Variants in GRM1 observed in about 807,000 individuals in gnomAD.
The protein encoded by GRM1 is metabotropic glutamate receptor 1.
In GRM1, 33 loss-of-function variants were observed where a neutral mutation model predicts 90.9. The ratio of observed to expected loss-of-function variants is 0.36; its 90% CI spans 0.28 to 0.49. The LOEUF (loss-of-function observed/expected upper bound fraction) is 0.49, where lower values mean the gene tolerates loss of function less well. Ranked by LOEUF, GRM1 falls within the 20% of genes least tolerant of loss-of-function variation. The pLI is 0.99. For missense variants in GRM1, 1,190 were observed against 1,534.3 expected (o/e 0.78, Z 3.75); for synonymous variants, 700 against 613.2 (o/e 1.14, Z -2.09).
chr6:146,312,227 G>T (rs1454756180), intron 3 of GRM1, among the ~76,000 whole-genome samples: 1 of 151,562 alleles, frequency 6.6e-6, no homozygotes, highest in East Asian at 1.9e-4. Flanking sequence ...TGTAATCCCA[G>T]CTACTCAGGA....
chr6:146,302,392 G>C (rs1783422619), intron 2 of GRM1, among the ~76,000 whole-genome samples: 1 of 148,356 alleles, frequency 6.7e-6, no homozygotes, highest in Non-Finnish European at 1.5e-5. Context: ...TTTTTTTTGA[G>C]ACAGGGTCTT....
At chr6:146,235,530 T>A (rs549755827) in intron 2 of GRM1, among the ~76,000 whole-genome samples, 1 of 152,132 alleles carries the variant, frequency 6.6e-6, no homozygotes, top group Non-Finnish European at 1.5e-5. Context: ...ATTATGCATG[T>A]TAGGTTGTTT....
chr6:146,195,673 A>T (rs918959688), intron 2 of GRM1, among the ~76,000 whole-genome samples: 3 of 152,198 alleles, frequency 2.0e-5, no homozygotes, highest in African/African-American at 7.2e-5. Context: ...TGATGTTTTG[A>T]TTCTTTTCTG....
chr6:146,242,849 T>C (rs568303263), intron 2 of GRM1, among the ~76,000 whole-genome samples: 20 of 152,170 alleles, frequency 1.3e-4, no homozygotes, highest in Non-Finnish European at 2.6e-4. Context: ...GACTTTGTAA[T>C]GATTCCATCT....
At chr6:146,054,787 T>C (rs768600342) in intron 1 of GRM1, among the ~76,000 whole-genome samples, 1 of 152,106 alleles carries the variant, frequency 6.6e-6, no homozygotes, top group African/African-American at 2.4e-5. Flanking sequence ...AAGATTCAAC[T>C]GACAGAACAA....
intron 1 of GRM1, among the ~76,000 whole-genome samples, chr6:146,099,878 A>G (rs989010531): frequency 1.3e-5 from 2 of 152,160 alleles, no homozygotes; most frequent in Admixed American, 6.5e-5. Context: ...TCTCTAAGGT[A>G]TATACTTAGC....
rs533430006 is a variant in GRM1 at position 146,184,343 on chromosome 6, T to C, written c.950+24746T>C. Among the ~76,000 whole-genome samples the C allele has an allele frequency of 2.0e-5, 3 of 152,252 alleles. No homozygotes were observed. In the South Asian group the frequency reaches 6.2e-4, roughly 32 times the overall value. On this transcript the variant is annotated intron_variant, in intron 2 of 7. Transcript: ENST00000282753. ...ACATGTTTATTCTATTTTTGCTTGA[T>C]TGGAAACTCACTGCCTTCTGAGACA...
chr6:146,379,008 A>G (rs1241664909), intron 5 of GRM1, among the ~76,000 whole-genome samples: 8 of 152,136 alleles, frequency 5.3e-5, no homozygotes. Flanking sequence ...TGAAACTGTG[A>G]GTCAAACCTT....
At chr6:146,277,765 G>A (rs139694011) in intron 2 of GRM1, among the ~76,000 whole-genome samples, 36 of 152,238 alleles carry the variant, frequency 2.4e-4, no homozygotes, top group African/African-American at 5.5e-4. Flanking sequence ...CTAGTGAATA[G>A]TTGAGACTGA....
intron 7 of GRM1, among the ~76,000 whole-genome samples, chr6:146,422,354 G>A (rs1196457596): frequency 6.6e-6 from 1 of 152,160 alleles, no homozygotes; most frequent in Non-Finnish European, 1.5e-5. Flanking sequence ...AAGTCAACAA[G>A]TAAAGTGAAG....
At chr6:146,318,299 C>A (rs1280877035) in intron 3 of GRM1, among the ~76,000 whole-genome samples, 1 of 152,102 alleles carries the variant, frequency 6.6e-6, no homozygotes, top group African/African-American at 2.4e-5. Flanking sequence ...TGGTTTCCAG[C>A]TTCATCCATG....
intron 1 of GRM1, among the ~76,000 whole-genome samples, chr6:146,107,962 T>C (rs1217325359): frequency 6.6e-6 from 1 of 152,236 alleles, no homozygotes; most frequent in Admixed American, 6.5e-5. Context: ...TCCAATTCAT[T>C]TTCTCTACTT....
chr6:146,361,558 T>A (rs770030050), intron 5 of GRM1, among the ~76,000 whole-genome samples: 2 of 152,008 alleles, frequency 1.3e-5, no homozygotes, highest in Non-Finnish European at 2.9e-5. Flanking sequence ...GTAATGGAGA[T>A]CAGGGACTAA....
intron 2 of GRM1, among the ~76,000 whole-genome samples, chr6:146,230,469 C>A (rs2114701997): frequency 6.6e-6 from 1 of 152,182 alleles, no homozygotes; most frequent in East Asian, 1.9e-4. Flanking sequence ...AGAGATATCA[C>A]CACAAACCTA....
chr6:146,242,074 G>T (rs1176590706), intron 2 of GRM1, among the ~76,000 whole-genome samples: 1 of 152,122 alleles, frequency 6.6e-6, no homozygotes, highest in Non-Finnish European at 1.5e-5. Context: ...AGCAGCATGT[G>T]TAAAGGCTCA....
At position 146,043,495 on chromosome 6, in the gene GRM1, G is replaced by A. The variant is rs557324482; in HGVS notation, c.700+13278G>A. Among the ~76,000 whole-genome samples, 170 of 151,670 alleles carry A rather than the reference G, an allele frequency of 1.1e-3. 3 individuals are homozygous for A. Among genetic ancestry groups the A allele is most frequent in the Non-Finnish European group, 1.1e-3 (76 of 67,858 alleles). On this transcript the variant is annotated intron_variant, in intron 1 of 7. Coordinates refer to ENST00000282753, the MANE Select transcript of GRM1 (RefSeq NM_001278064.2). ...TTGCCTGTGCTGCTTAATGCAACTT[G>A]TATAAATTCATCAGAAACATATTAT... is the stretch of plus-strand genomic sequence containing the variant.
At chr6:146,356,603 G>A (rs549518473) in intron 4 of GRM1, among the ~76,000 whole-genome samples, 2 of 152,270 alleles carry the variant, frequency 1.3e-5, no homozygotes, top group Admixed American at 1.3e-4. Flanking sequence ...ATATGCATTT[G>A]TCCTGAATAT....
intron 1 of GRM1, among the ~76,000 whole-genome samples, chr6:146,110,749 G>A (rs1044982567): frequency 1.3e-5 from 2 of 152,130 alleles, no homozygotes; most frequent in African/African-American, 4.8e-5. Flanking sequence ...AGGCTGTTTT[G>A]TATGGTTATT....
intron 2 of GRM1, among the ~76,000 whole-genome samples, chr6:146,275,797 G>T (rs1023028834): frequency 6.6e-6 from 1 of 152,062 alleles, no homozygotes; most frequent in Non-Finnish European, 1.5e-5. Context: ...AGTCAGCACC[G>T]ATGATACTGA....
Sources: allele counts gnomAD v4.1 joint callset (sites outside exome capture counted in the v4.1 genomes callset), GRCh38; gene constraint gnomAD v4.1.1; transcripts MANE v1.5; gene names NCBI Gene and HGNC (gene_info 2026-07-23, HGNC 2026-07-21).